The following SETD3 variants were observed in gnomAD, a reference collection of about 807,000 sequenced individuals.
SETD3 encodes SET domain containing 3, actin N3(tau)-histidine methyltransferase.
In SETD3, 19 loss-of-function variants were observed where a neutral mutation model predicts 63.0. The observed-to-expected ratio is 0.30, with a 90% CI of 0.21 to 0.44. The LOEUF (loss-of-function observed/expected upper bound fraction) is 0.44, where lower values mean the gene tolerates loss of function less well. Among genes scored for constraint, SETD3 ranks in the 20% least tolerant of loss-of-function variants. The pLI, the probability that SETD3 is intolerant of heterozygous loss-of-function variation, is 1.00. For synonymous variants in SETD3, 286 were observed against 264.1 expected, an observed-to-expected ratio of 1.08 and a Z score of -0.80; for missense variants, 587 against 728.5, an observed-to-expected ratio of 0.81 and a Z score of 2.24.
At chr14:99,469,933 C>G (rs1244737996) in intron 1 of SETD3, among the ~76,000 whole-genome samples, 1 of 152,216 alleles carries the variant, frequency 6.6e-6, no homozygotes, top group Admixed American at 6.5e-5. Context: ...TTAGTTCTGC[C>G]TATTCTTAAA....
At chr14:99,440,511 T>C (rs1009237951) in intron 6 of SETD3, among the ~76,000 whole-genome samples, 1 of 152,118 alleles carries the variant, frequency 6.6e-6, no homozygotes, top group Non-Finnish European at 1.5e-5. Context: ...GTCTACATCA[T>C]GCGCAGGGGA....
At chr14:99,414,064 A>C (rs1429781892) in intron 6 of SETD3, 130 bp from the exon 7 acceptor site, 9 of 789,144 alleles carry the variant, frequency 1.1e-5, no homozygotes, top group Non-Finnish European at 1.9e-5. Flanking sequence ...GGCGGCGTCC[A>C]GCCGCGCTAC....
intron 6 of SETD3, among the ~76,000 whole-genome samples, chr14:99,453,697 G>T (rs1273197263): frequency 6.6e-6 from 1 of 151,970 alleles, no homozygotes; most frequent in Non-Finnish European, 1.5e-5. Context: ...GTGGTGGTGG[G>T]CACCTGTTAT....
chr14:99,403,451 ACACACTCTCT>A lies in SETD3; in HGVS notation c.1177+764_1177+773del, dbSNP rs1290464232. 5.5e-3 allele frequency among the ~76,000 whole-genome samples: 590 copies of A among 107,108 alleles called. 1 individual carries two copies. Among genetic ancestry groups the A allele is most frequent in the African/African-American group, 0.023 (557 of 24,522 alleles). 70.3% of individuals were successfully genotyped at this position (107,108 alleles called of 152,430 possible). A position where few individuals can be genotyped will look rare whatever the true frequency, so the allele number is the denominator to read the frequency against. On this transcript the variant is annotated intron_variant, in intron 11 of 12. Transcript: ENST00000331768. ...AACATACACACACACACACACACAC[ACACACTCTCT>A]CTCTCTCTCTCTCTCTCTCTCTCTC...
chr14:99,473,148 A>G (rs1895793058), intron 1 of SETD3, among the ~76,000 whole-genome samples: 1 of 152,242 alleles, frequency 6.6e-6, no homozygotes, highest in African/African-American at 2.4e-5. Context: ...ATTATTATTT[A>G]AAGTGCTGAC....
Position 99,459,189 on chromosome 14 carries a change from G to A in SETD3, c.346-4C>T, listed in dbSNP as rs767534004. 1 of 1,601,266 alleles carries A rather than the reference G, an allele frequency of 6.2e-7. No homozygotes were observed. The highest frequency in any genetic ancestry group is 8.5e-7 in the Non-Finnish European group (1 of 1,171,960). ...CCCATAAAAACAATTCTTCTGCCTA[G>A]GGAAAAAAATAATAATAGGAGAATC... On this transcript the variant is annotated splice_region_variant and splice_polypyrimidine_tract_variant and intron_variant, in intron 4 of 12. Transcript: ENST00000331768.
chr14:99,402,203 G>A (rs1338508763), intron 11 of SETD3, among the ~76,000 whole-genome samples: 2 of 152,142 alleles, frequency 1.3e-5, no homozygotes, highest in East Asian at 3.9e-4. Flanking sequence ...CAGTCGCTGA[G>A]CTCCACAGTT....
chr14:99,417,238 A>T (rs1892335906), intron 6 of SETD3, among the ~76,000 whole-genome samples: 1 of 152,254 alleles, frequency 6.6e-6, no homozygotes, highest in Admixed American at 6.5e-5. Flanking sequence ...AGATGAAAAA[A>T]TGAACAATAT....
intron 1 of SETD3, among the ~76,000 whole-genome samples, chr14:99,467,336 C>A (rs1038478614): frequency 6.6e-6 from 1 of 152,070 alleles, no homozygotes; most frequent in African/African-American, 2.4e-5. Context: ...GAGGGGAGGG[C>A]AGGATGACAG....
intron 6 of SETD3, among the ~76,000 whole-genome samples, chr14:99,423,290 T>C (rs1006674121): frequency 6.6e-6 from 1 of 152,044 alleles, no homozygotes; most frequent in African/African-American, 2.4e-5. Context: ...TACCCTGAAA[T>C]TTGACAAATA....
intron 6 of SETD3, among the ~76,000 whole-genome samples, chr14:99,434,792 AGCCGAGATCAC>A (rs1893377240): frequency 7.4e-6 from 1 of 135,394 alleles, no homozygotes; most frequent in Non-Finnish European, 1.5e-5. Flanking sequence ...GGTTGTGATG[AGCCGAGATCAC>A]GCCACTGCAC....
At chr14:99,470,205 G>A (rs1204714792) in intron 1 of SETD3, among the ~76,000 whole-genome samples, 1 of 152,076 alleles carries the variant, frequency 6.6e-6, no homozygotes, top group Non-Finnish European at 1.5e-5. Context: ...ATACTTTGAG[G>A]CTCTACCGAA....
At chr14:99,467,668 G>T (rs1393194989) in intron 1 of SETD3, among the ~76,000 whole-genome samples, 1 of 152,214 alleles carries the variant, frequency 6.6e-6, no homozygotes, top group Non-Finnish European at 1.5e-5. Flanking sequence ...TCTCCCTTCA[G>T]CCTTGCCTGA....
At chr14:99,427,233 A>C (rs1892930980) in intron 6 of SETD3, among the ~76,000 whole-genome samples, 2 of 152,272 alleles carry the variant, frequency 1.3e-5, no homozygotes, top group Non-Finnish European at 2.9e-5. Flanking sequence ...TTGTATTACG[A>C]AACAGACAAC....
chr14:99,462,244 A>G (rs1490616633), intron 3 of SETD3, among the ~76,000 whole-genome samples: 1 of 152,234 alleles, frequency 6.6e-6, no homozygotes, highest in Non-Finnish European at 1.5e-5. Flanking sequence ...GACATCTGTT[A>G]TATTAATTTC....
chr14:99,406,438 T>C, intron 9 of SETD3, 78 bp downstream of exon 9: 1 of 1,343,010 alleles, frequency 7.4e-7, no homozygotes, highest in South Asian at 1.2e-5. Flanking sequence ...GTTAAGTTCC[T>C]TTTTAAGATT....
At chr14:99,419,174 A>G (rs1315491747) in intron 6 of SETD3, among the ~76,000 whole-genome samples, 1 of 152,252 alleles carries the variant, frequency 6.6e-6, no homozygotes, top group Admixed American at 6.5e-5. Context: ...GGAATTTTTC[A>G]TCATAAAGTT....
chr14:99,422,025 C>T lies in SETD3; in HGVS notation c.676-8091G>A, dbSNP rs572792876. Among the ~76,000 whole-genome samples, 11 of 152,256 alleles carry T rather than the reference C, an allele frequency of 7.2e-5. No homozygotes were observed. In the South Asian group the frequency reaches 2.3e-3, roughly 32 times the overall value. Reference sequence around the variant, plus strand: ...CATTATGAAGTTTAAAGGCAGGCAACATTAGCAAAACTAAGACAGTGAGTC... The same window carrying T: ...CATTATGAAGTTTAAAGGCAGGCAATATTAGCAAAACTAAGACAGTGAGTC... On this transcript the variant is annotated intron_variant, in intron 6 of 12. Transcript: ENST00000331768.
chr14:99,450,142 G>C (rs1028145371), intron 6 of SETD3, among the ~76,000 whole-genome samples: 3 of 152,162 alleles, frequency 2.0e-5, no homozygotes, highest in Admixed American at 1.3e-4. Context: ...AGTGCTAAAG[G>C]ACACGTAGCT....
Sources: gnomAD v4.1 joint callset for allele counts (sites outside exome capture counted in the v4.1 genomes callset) on GRCh38, gnomAD v4.1.1 for gene constraint, MANE v1.5 for transcripts, NCBI Gene and HGNC (gene_info 2026-07-23, HGNC 2026-07-21) for gene names.